Variants in GUCA1C observed in about 807,000 individuals in gnomAD.
GUCA1C encodes the protein guanylyl cyclase-activating protein 3.
In GUCA1C, 15 loss-of-function variants were observed where a neutral mutation model predicts 16.2. The ratio of observed to expected loss-of-function variants is 0.93; its 90% CI spans 0.62 to 1.43. The LOEUF (loss-of-function observed/expected upper bound fraction) is 1.43. GUCA1C is among the 40% of genes most tolerant of loss of function. GUCA1C has a pLI of 0.00. For missense variants in GUCA1C, 275 were observed against 244.8 expected, an observed-to-expected ratio of 1.12 and a Z score of -0.82; for synonymous variants, 78 against 85.4, an observed-to-expected ratio of 0.91 and a Z score of 0.48.
At chr3:108,921,063 A>G (rs1946565546) in intron 1 of GUCA1C, among the ~76,000 whole-genome samples, 1 of 152,208 alleles carries the variant, frequency 6.6e-6, no homozygotes, top group African/African-American at 2.4e-5. Context: ...TAGTTTTGCT[A>G]TCCTAAAATT....
intron 1 of GUCA1C, among the ~76,000 whole-genome samples, chr3:108,935,536 A>AG (rs1946717822): frequency 6.7e-6 from 1 of 148,814 alleles, no homozygotes; most frequent in Non-Finnish European, 1.5e-5. Flanking sequence ...TAAAAATAGA[A>AG]AAAAAAAAAA....
Position 108,907,842 on chromosome 3 carries a change from C to A in GUCA1C, c.*180G>T. On this transcript the variant is annotated 3_prime_UTR_variant, in exon 4 of 4. Transcript: ENST00000261047. ...CTGCAGAGACAGCACAGAAAAGCAACAATGCATCTGTTTAGGATCTTTATG... is the reference window on the plus strand; with the variant it reads ...CTGCAGAGACAGCACAGAAAAGCAAAAATGCATCTGTTTAGGATCTTTATG... The A allele has an allele frequency of 3.6e-6, 2 of 548,702 alleles. No individual in the cohort carries two copies. Among genetic ancestry groups the A allele is most frequent in the South Asian group, 2.8e-5 (1 of 35,678 alleles). The allele number at this position is 548,702 out of a possible 1,614,324, so 34.0% of individuals were successfully genotyped here.
intron 1 of GUCA1C, among the ~76,000 whole-genome samples, chr3:108,938,882 G>A (rs1482306070): frequency 6.6e-6 from 1 of 152,152 alleles, no homozygotes; most frequent in East Asian, 1.9e-4. Context: ...AGGTTTTCTG[G>A]ATATCAGAAA....
At chr3:108,946,445 T>C (rs988292701) in intron 1 of GUCA1C, among the ~76,000 whole-genome samples, 1 of 152,212 alleles carries the variant, frequency 6.6e-6, no homozygotes, top group Non-Finnish European at 1.5e-5. Context: ...CTATGGTACA[T>C]TTTGTTCTCT....
chr3:108,917,770 G>A (rs1946531952), intron 2 of GUCA1C, among the ~76,000 whole-genome samples: 1 of 152,168 alleles, frequency 6.6e-6, no homozygotes, highest in African/African-American at 2.4e-5. Context: ...CTGCAGCCGG[G>A]CACGGTGACT....
chr3:108,917,732 C>T (rs1156481916), intron 2 of GUCA1C, among the ~76,000 whole-genome samples: 3 of 152,126 alleles, frequency 2.0e-5, no homozygotes, highest in South Asian at 4.1e-4. Context: ...TCCAGCTGGT[C>T]CCTTTCCCGC....
intron 1 of GUCA1C, among the ~76,000 whole-genome samples, chr3:108,951,634 C>T (rs964235549): frequency 6.6e-6 from 1 of 152,102 alleles, no homozygotes; most frequent in African/African-American, 2.4e-5. Flanking sequence ...CAATCCTTAC[C>T]CTTGTCATTT....
At chr3:108,920,640 T>G (rs777617508) in intron 1 of GUCA1C, 55 bp from the exon 2 acceptor site, 50 of 1,051,524 alleles carry the variant, frequency 4.8e-5, no homozygotes, top group Non-Finnish European at 7.1e-5. Context: ...TAATTGTTTT[T>G]TATTTGAGAA....
chr3:108,951,245 T>C (rs1946893335), intron 1 of GUCA1C, among the ~76,000 whole-genome samples: 2 of 152,128 alleles, frequency 1.3e-5, no homozygotes, highest in Admixed American at 6.5e-5. Context: ...AATAAAATTA[T>C]ACTTATACGC....
At chr3:108,918,131 C>T (rs1183481642) in intron 2 of GUCA1C, among the ~76,000 whole-genome samples, 2 of 152,310 alleles carry the variant, frequency 1.3e-5, no homozygotes, top group Admixed American at 6.5e-5. Context: ...TCCTGTGCAC[C>T]GTTGAATACT....
Position 108,953,732 on chromosome 3 carries a change from G to C in GUCA1C, c.31C>G (p.Gln11Glu). The part of the protein sequence containing the change: MGNGKSIAGD[Q>E]KAVPTQETHV... ...GTCTCTTGTGTAGGAACTGCTTTCTGATCACCAGCTATAGATTTGCCATTC... is the reference window on the plus strand; with the variant it reads ...GTCTCTTGTGTAGGAACTGCTTTCTCATCACCAGCTATAGATTTGCCATTC... Residue 11 changes from glutamine to glutamate, a missense_variant, in exon 1 of 4, where the codon CAG becomes GAG. By Grantham distance (29) the Gln-to-Glu change is conservative (BLOSUM62 2). Transcript: ENST00000261047. 1 of 1,612,932 alleles carries C rather than the reference G, an allele frequency of 6.2e-7. No individual in the cohort carries two copies. The highest frequency in any genetic ancestry group is 1.1e-5 in the South Asian group (1 of 91,042).
intron 3 of GUCA1C, among the ~76,000 whole-genome samples, chr3:108,910,135 T>G (rs1426671622): frequency 2.6e-5 from 4 of 152,202 alleles, no homozygotes; most frequent in African/African-American, 9.6e-5. Flanking sequence ...CCCAACAAAT[T>G]AAAAGAATGG....
intron 1 of GUCA1C, among the ~76,000 whole-genome samples, chr3:108,945,891 G>A (rs1229237054): frequency 6.6e-6 from 1 of 152,122 alleles, no homozygotes; most frequent in East Asian, 1.9e-4. Flanking sequence ...ATGATATGCT[G>A]GAGCGTATTT....
intron 3 of GUCA1C, among the ~76,000 whole-genome samples, chr3:108,914,015 G>A (rs371251987): frequency 2.6e-5 from 4 of 151,320 alleles, no homozygotes; most frequent in Non-Finnish European, 5.9e-5. Context: ...GCAGTGAGCC[G>A]AGATCACACC....
chr3:108,912,234 C>T (rs1163846365), intron 3 of GUCA1C, among the ~76,000 whole-genome samples: 2 of 151,688 alleles, frequency 1.3e-5, no homozygotes, highest in Non-Finnish European at 2.9e-5. Flanking sequence ...TGAGACTTAC[C>T]GAGGCACTTT....
In GUCA1C at chr3:108,944,077, A is replaced by G. The variant is rs1946818469; in HGVS notation, c.204+9482T>C. Among the ~76,000 whole-genome samples, 6 of 152,346 alleles carry G rather than the reference A, an allele frequency of 3.9e-5. No individual in the cohort carries two copies. In the South Asian group the frequency reaches 1.2e-3, roughly 32 times the overall value. ...AATAAAAAATAAACATATAAAGAAA[A>G]GAAATATATTTTAAACTTCTTCTTG... On this transcript the variant is annotated intron_variant, in intron 1 of 3. Coordinates refer to ENST00000261047, the MANE Select transcript of GUCA1C (RefSeq NM_005459.4).
intron 1 of GUCA1C, among the ~76,000 whole-genome samples, chr3:108,925,675 T>C (rs1184797452): frequency 6.6e-6 from 1 of 152,364 alleles, no homozygotes. Flanking sequence ...ATTGTTTCTT[T>C]GTTGACTTTC....
intron 3 of GUCA1C, chr3:108,915,817 T>C (rs566366691): frequency 1.0e-5 from 4 of 389,422 alleles, no homozygotes; most frequent in Admixed American, 4.3e-5. Flanking sequence ...AACTGATTAA[T>C]AGAATGTGTC....
intron 3 of GUCA1C, among the ~76,000 whole-genome samples, chr3:108,915,036 G>A (rs559163212): frequency 1.1e-4 from 16 of 152,338 alleles, no homozygotes; most frequent in African/African-American, 3.4e-4. Flanking sequence ...TGCAACTGAT[G>A]CATCTTCAAA....
Sources: gnomAD v4.1 joint callset for allele counts (sites outside exome capture counted in the v4.1 genomes callset) on GRCh38, gnomAD v4.1.1 for gene constraint, MANE v1.5 for transcripts, NCBI Gene and HGNC (gene_info 2026-07-23, HGNC 2026-07-21) for gene names.